Variants in KCNG3 observed in about 807,000 individuals in gnomAD.
The protein encoded by KCNG3 is voltage-gated potassium channel regulatory subunit KCNG3.
KCNG3 carries 15 observed loss-of-function variants against 29.0 expected under a neutral mutation model. The ratio of observed to expected loss-of-function variants is 0.52; its 90% CI spans 0.35 to 0.80. The LOEUF (loss-of-function observed/expected upper bound fraction) is 0.80. KCNG3 is among the 30% of genes least tolerant of loss of function. The pLI is 0.01. For missense variants in KCNG3, 512 were observed against 605.7 expected, an observed-to-expected ratio of 0.85 and a Z score of 1.62; for synonymous variants, 322 against 248.9, an observed-to-expected ratio of 1.29 and a Z score of -2.76.
At chr2:42,390,022 T>G in the KCNG3 span, among the ~76,000 whole-genome samples, 1 of 152,228 alleles carries the variant, frequency 6.6e-6, no homozygotes, top group Non-Finnish European at 1.5e-5. Flanking sequence ...GGTGGCTTAC[T>G]GCCCCCACCC....
the KCNG3 span, among the ~76,000 whole-genome samples, chr2:42,409,430 G>A: frequency 4.6e-5 from 7 of 151,770 alleles, no homozygotes; most frequent in South Asian, 6.2e-4. Flanking sequence ...AAGGCTGGGC[G>A]AGTTGGCTCA....
At chr2:42,457,307 A>C (rs1431862110) in intron 1 of KCNG3, among the ~76,000 whole-genome samples, 1 of 150,714 alleles carries the variant, frequency 6.6e-6, no homozygotes, top group Non-Finnish European at 1.5e-5. Flanking sequence ...CAACGTGACG[A>C]AACTCCATCT....
chr2:42,398,048 C>T, the KCNG3 span, among the ~76,000 whole-genome samples: 6 of 152,044 alleles, frequency 3.9e-5, no homozygotes, highest in East Asian at 1.2e-3. Context: ...ACAGTGAAAC[C>T]CTGTCTCTAC....
intron 1 of KCNG3, among the ~76,000 whole-genome samples, chr2:42,464,944 T>C (rs1673103899): frequency 6.6e-6 from 1 of 150,948 alleles, no homozygotes; most frequent in East Asian, 1.9e-4. Context: ...TGCCTAATCA[T>C]GGCACTTAAT....
chr2:42,458,532 C>T (rs1572848042), intron 1 of KCNG3, among the ~76,000 whole-genome samples: 1 of 152,364 alleles, frequency 6.6e-6, no homozygotes, highest in Middle Eastern at 3.4e-3. Flanking sequence ...CCTGCTAAGA[C>T]AGGGGCTATC....
intron 1 of KCNG3, among the ~76,000 whole-genome samples, chr2:42,452,673 TTCCATGTTGTTGCAAATGGCAGGACC>T (rs896430585): frequency 4.6e-5 from 7 of 152,178 alleles, no homozygotes; most frequent in Non-Finnish European, 8.8e-5. Context: ...TGACCTCCAG[TTCCATGTTGTTGCAAATGGCAGGACC>T]TCATTCTTTT....
the KCNG3 span, among the ~76,000 whole-genome samples, chr2:42,413,029 G>A: frequency 6.6e-6 from 1 of 152,094 alleles, no homozygotes; most frequent in Non-Finnish European, 1.5e-5. Context: ...GAGTGCAGTG[G>A]TGCAATCATA....
At chr2:42,481,717 G>C (rs1454316419) in intron 1 of KCNG3, among the ~76,000 whole-genome samples, 1 of 151,938 alleles carries the variant, frequency 6.6e-6, no homozygotes, top group Non-Finnish European at 1.5e-5. Context: ...CCTTCCTGTT[G>C]CTCCAATTGA....
chr2:42,466,797 G>T (rs1463535918), intron 1 of KCNG3, among the ~76,000 whole-genome samples: 3 of 146,034 alleles, frequency 2.1e-5, no homozygotes, highest in African/African-American at 7.7e-5. Flanking sequence ...CTGTCATCCA[G>T]GCTGGAGTGC....
chr2:42,433,753 A>G, the KCNG3 span, among the ~76,000 whole-genome samples: 1 of 152,050 alleles, frequency 6.6e-6, no homozygotes, highest in African/African-American at 2.4e-5. Flanking sequence ...AAAACAAAAC[A>G]AAACAAAAAA....
the KCNG3 span, among the ~76,000 whole-genome samples, chr2:42,412,072 C>A: frequency 6.6e-6 from 1 of 152,194 alleles, no homozygotes; most frequent in Non-Finnish European, 1.5e-5. Flanking sequence ...GAACTGACTA[C>A]CCCTGGACTC....
intron 1 of KCNG3, among the ~76,000 whole-genome samples, chr2:42,486,236 T>A (rs780480099): frequency 3.9e-5 from 6 of 152,198 alleles, no homozygotes; most frequent in Non-Finnish European, 8.8e-5. Context: ...AAATATCTCA[T>A]ACACTCTCCT....
At chr2:42,462,913 C>G (rs1034685350) in intron 1 of KCNG3, among the ~76,000 whole-genome samples, 4 of 152,114 alleles carry the variant, frequency 2.6e-5, no homozygotes, top group African/African-American at 9.7e-5. Flanking sequence ...TCTAGAAGGG[C>G]TACCAAATTC....
chr2:42,470,731 C>G (rs1171741228), intron 1 of KCNG3, among the ~76,000 whole-genome samples: 2 of 151,704 alleles, frequency 1.3e-5, no homozygotes, highest in Admixed American at 6.6e-5. Context: ...CAAAAATTAG[C>G]CAGACGTGGT....
the KCNG3 span, among the ~76,000 whole-genome samples, chr2:42,430,409 AATAC>A: frequency 7.0e-6 from 1 of 142,134 alleles, no homozygotes. Context: ...TAAATAAATA[AATAC>A]GCTAACCAAC....
At chr2:42,481,742 G>T (rs895752239) in intron 1 of KCNG3, among the ~76,000 whole-genome samples, 1 of 151,768 alleles carries the variant, frequency 6.6e-6, no homozygotes, top group African/African-American at 2.4e-5. Context: ...AGACATATCC[G>T]CCTCAGGGAT....
the KCNG3 span, among the ~76,000 whole-genome samples, chr2:42,426,977 A>G: frequency 6.6e-6 from 1 of 152,248 alleles, no homozygotes; most frequent in African/African-American, 2.4e-5. Context: ...CAGAAAATGT[A>G]AAGACATTCT....
At chr2:42,459,255 A>AC (rs983864441) in intron 1 of KCNG3, among the ~76,000 whole-genome samples, 13 of 150,682 alleles carry the variant, frequency 8.6e-5, no homozygotes, top group Non-Finnish European at 1.3e-4. Flanking sequence ...TGGTTTTATG[A>AC]CCCCCCAGAT....
chr2:42,392,767 G>T, the KCNG3 span, among the ~76,000 whole-genome samples: 13 of 152,092 alleles, frequency 8.5e-5, no homozygotes, highest in Middle Eastern at 3.4e-3. Flanking sequence ...TCGTCTGGAC[G>T]CAATGATCTA....
Sources: allele counts gnomAD v4.1 joint callset (sites outside exome capture counted in the v4.1 genomes callset), GRCh38; gene constraint gnomAD v4.1.1; transcripts MANE v1.5; gene names NCBI Gene and HGNC (gene_info 2026-07-23, HGNC 2026-07-21).